The following SMARCA2 variants were observed in gnomAD, a reference collection of about 807,000 sequenced individuals.
The protein encoded by SMARCA2 is SWI/SNF-related matrix-associated actin-dependent regulator of chromatin subfamily A member 2.
A neutral mutation model predicts 199.8 loss-of-function variants in SMARCA2; 61 were observed. The observed-to-expected ratio is 0.31, with a 90% confidence interval of 0.25 to 0.38. The LOEUF (loss-of-function observed/expected upper bound fraction) is 0.38, where lower values mean the gene tolerates loss of function less well. SMARCA2 is among the 10% of genes least tolerant of loss of function. The pLI is 1.00. For synonymous variants in SMARCA2, 935 were observed against 732.0 expected, an observed-to-expected ratio of 1.28 and a Z score of -4.48; for missense variants, 1,344 against 2,012.2, an observed-to-expected ratio of 0.67 and a Z score of 6.35.
Position 2,056,488 on chromosome 9 carries a change from T to A in SMARCA2, c.1174-184T>A, listed in dbSNP as rs190570396. On this transcript the variant is annotated intron_variant, in intron 6 of 33. Transcript: ENST00000349721. The surrounding 1 kb of genome is among the most constrained non-coding windows in gnomAD (Gnocchi z 4.0). ...GGGGAGAAAAATCTTGTACCGTTCTTGAAAATATTGCATACATTTGGCATG... is the reference window on the plus strand; with the variant it reads ...GGGGAGAAAAATCTTGTACCGTTCTAGAAAATATTGCATACATTTGGCATG... 6.6e-6 allele frequency among the ~76,000 whole-genome samples: 1 copy of A among 152,356 alleles called. No homozygotes were observed.
At chr9:2,025,767 G>A (rs1818803239) in intron 1 of SMARCA2, among the ~76,000 whole-genome samples, 1 of 152,184 alleles carries the variant, frequency 6.6e-6, no homozygotes, top group African/African-American at 2.4e-5. Flanking sequence ...CTGTGGGAAA[G>A]TTTAATTACA....
rs538718256 is a variant in SMARCA2, at chr9:2,157,130, A to G, written c.3982-4556A>G. Among the ~76,000 whole-genome samples, 179 of 152,326 alleles carry G rather than the reference A, an allele frequency of 1.2e-3. 1 individual carries two copies. Among genetic ancestry groups the G allele is most frequent in the African/African-American group, 3.9e-3 (161 of 41,558 alleles). On this transcript the variant is annotated intron_variant, in intron 27 of 33. Coordinates refer to ENST00000349721, the MANE Select transcript of SMARCA2 (RefSeq NM_003070.5). ...CGTAGCATCTTTGAGGACGAGCTCT[A>G]TGTTCAACTTTGTTGTTGTTTAATA...
chr9:2,135,895 G>A (rs940903877), intron 27 of SMARCA2, among the ~76,000 whole-genome samples: 20 of 151,186 alleles, frequency 1.3e-4, no homozygotes, highest in African/African-American at 4.9e-4. Context: ...AGGTTGGAGT[G>A]CAATGGTGCA....
intron 17 of SMARCA2, among the ~76,000 whole-genome samples, chr9:2,084,474 T>C (rs1821713527): frequency 6.6e-6 from 1 of 151,684 alleles, no homozygotes; most frequent in African/African-American, 2.4e-5. Flanking sequence ...TGAGTTTACA[T>C]CTCTTAAAAA....
Position 2,047,344 on chromosome 9 carries a change from G to T in SMARCA2, c.906G>T (p.Val302=), listed in dbSNP as rs1020498035. The T allele has an allele frequency of 4.3e-6, 6 of 1,406,952 alleles. No homozygotes were observed. The African/African-American group carries it at 7.6e-5, about 18-fold the overall frequency. The allele number at this position is 1,406,952 out of a possible 1,614,324, so 87.2% of individuals were successfully genotyped here. The change falls in exon 5 of 34, where the codon GTG becomes GTT. Residue 302 remains valine, a synonymous_variant. Coordinates refer to ENST00000349721, the MANE Select transcript of SMARCA2 (RefSeq NM_003070.5). Reference sequence around the variant, plus strand: ...CCGCGCAGCCGCCCGCGGCCGCAGTGCCCGGGCCCTCAGTGCCGCAGCCGG... The same window carrying T: ...CCGCGCAGCCGCCCGCGGCCGCAGTTCCCGGGCCCTCAGTGCCGCAGCCGG... The part of the protein sequence containing the change: ...PAAAQPPAAA[V]PGPSVPQPAP...
chr9:2,096,564 G>T, intron 19 of SMARCA2, 93 bp from the exon 20 acceptor site: 2 of 775,980 alleles, frequency 2.6e-6, no homozygotes, highest in South Asian at 1.5e-5. Context: ...AGACACCTTT[G>T]TGCTTCCAGG....
intron 9 of SMARCA2, among the ~76,000 whole-genome samples, chr9:2,067,187 G>C (rs772878739): frequency 1.5e-4 from 23 of 152,196 alleles, no homozygotes; most frequent in African/African-American, 5.3e-4. Context: ...AATTGTGTGC[G>C]TGCTTTTAAC....
intron 9 of SMARCA2, among the ~76,000 whole-genome samples, chr9:2,068,038 A>G (rs1036337169): frequency 6.6e-6 from 1 of 152,168 alleles, no homozygotes; most frequent in Non-Finnish European, 1.5e-5. Context: ...TTGTTGGCCA[A>G]ATTTGTAGCT....
chr9:2,070,217 T>G (rs1325856446), intron 9 of SMARCA2, among the ~76,000 whole-genome samples: 2 of 152,230 alleles, frequency 1.3e-5, no homozygotes, highest in Non-Finnish European at 2.9e-5. Context: ...CATCTGACTT[T>G]AAGTGACTCT....
intron 23 of SMARCA2, among the ~76,000 whole-genome samples, chr9:2,107,188 C>A (rs892178422): frequency 5.3e-5 from 8 of 152,142 alleles, no homozygotes; most frequent in African/African-American, 1.9e-4. Flanking sequence ...ACTTGGAAAT[C>A]TTTGACAGAA....
chr9:2,107,009 G>A (rs575822185), intron 23 of SMARCA2, among the ~76,000 whole-genome samples: 61 of 152,260 alleles, frequency 4.0e-4, no homozygotes, highest in African/African-American at 1.4e-3. Flanking sequence ...TATTGAGCAC[G>A]TTAAATCTTG....
At chr9:2,181,011 A>G (rs944292549) in intron 29 of SMARCA2, among the ~76,000 whole-genome samples, 2 of 152,124 alleles carry the variant, frequency 1.3e-5, no homozygotes, top group East Asian at 3.9e-4. Flanking sequence ...GGTTTACAGT[A>G]TGTAAAATAC....
intron 27 of SMARCA2, among the ~76,000 whole-genome samples, chr9:2,127,192 C>G (rs959787298): frequency 1.3e-5 from 2 of 152,088 alleles, no homozygotes; most frequent in Admixed American, 1.3e-4. Context: ...GTCACAGTTT[C>G]CTAGTATTCT....
intron 27 of SMARCA2, among the ~76,000 whole-genome samples, chr9:2,150,762 T>C (rs992858822): frequency 2.6e-5 from 4 of 151,690 alleles, no homozygotes; most frequent in African/African-American, 9.6e-5. Flanking sequence ...TATCTCACTG[T>C]GTGGAGGCTG....
rs1820379178 is a variant in SMARCA2 at position 2,056,917 on chromosome 9, G to C, written c.1347+72G>C. The C allele has an allele frequency of 1.4e-6, 2 of 1,414,410 alleles. No individual in the cohort carries two copies. The highest frequency in any genetic ancestry group is 2.1e-5 in the Admixed American group (1 of 47,270). 87.6% of individuals were successfully genotyped at this position (1,414,410 alleles called of 1,614,324 possible). The stretch of plus-strand genomic sequence containing the variant: ...CCAATGAATTCATCAAATGGGGTCA[G>C]AATGACTGAAAAATGGACCCTTGTG... On this transcript the variant is annotated intron_variant, in intron 7 of 33. Coordinates refer to ENST00000349721, the MANE Select transcript of SMARCA2 (RefSeq NM_003070.5). The surrounding 1 kb of genome is among the most constrained non-coding windows in gnomAD (Gnocchi z 4.0).
intron 27 of SMARCA2, among the ~76,000 whole-genome samples, chr9:2,134,122 T>C (rs934642537): frequency 5.3e-5 from 8 of 152,190 alleles, no homozygotes; most frequent in African/African-American, 1.7e-4. Flanking sequence ...GAAGACCTAA[T>C]GGATAATAGA....
In SMARCA2 at chr9:2,192,948, A is replaced by T. The variant is rs1827994897; in HGVS notation, c.*209A>T. ...AAATATTTGTAACATATTGTGACCAAATGGGCCTCAAAGATTCAGATTGAA... is the reference window on the plus strand; with the variant it reads ...AAATATTTGTAACATATTGTGACCATATGGGCCTCAAAGATTCAGATTGAA... On this transcript the variant is annotated 3_prime_UTR_variant, in exon 34 of 34. Coordinates refer to ENST00000349721, the MANE Select transcript of SMARCA2 (RefSeq NM_003070.5). 3.9e-6 allele frequency: 2 copies of T among 511,950 alleles called. No homozygotes were observed. Among genetic ancestry groups the T allele is most frequent in the Admixed American group, 3.7e-5 (1 of 26,676 alleles). The allele number at this position is 511,950 out of a possible 1,614,324, so 31.7% of individuals were successfully genotyped here. A position where few individuals can be genotyped will look rare whatever the true frequency, so the allele number is the denominator to read the frequency against.
At chr9:2,091,107 T>C (rs1822036603) in intron 19 of SMARCA2, among the ~76,000 whole-genome samples, 1 of 152,232 alleles carries the variant, frequency 6.6e-6, no homozygotes, top group Non-Finnish European at 1.5e-5. Context: ...TTTTAATTTA[T>C]GTGTAGCAAA....
chr9:2,149,349 C>A (rs1185278300), intron 27 of SMARCA2, among the ~76,000 whole-genome samples: 1 of 150,832 alleles, frequency 6.6e-6, no homozygotes, highest in Non-Finnish European at 1.5e-5. Context: ...GAAACCCCAT[C>A]TCTACAAAAA....
Sources: gnomAD v4.1 joint callset for allele counts (sites outside exome capture counted in the v4.1 genomes callset) on GRCh38, gnomAD v4.1.1 for gene constraint, Gnocchi (gnomAD v3.1) non-coding constraint, MANE v1.5 for transcripts, NCBI Gene and HGNC (gene_info 2026-07-23, HGNC 2026-07-21) for gene names.